Variants in RTN4 observed in about 807,000 individuals in gnomAD.
RTN4 encodes the protein reticulon 4.
A neutral mutation model predicts 90.4 loss-of-function variants in RTN4; 32 were observed. That is an observed-to-expected ratio of 0.35 (90% confidence interval 0.27 to 0.48). The LOEUF (loss-of-function observed/expected upper bound fraction) is 0.48, where lower values mean the gene tolerates loss of function less well. Ranked by LOEUF, RTN4 falls within the 20% of genes least tolerant of loss-of-function variation. The probability of loss-of-function intolerance (pLI) is 0.99; values close to 1 mark genes in which losing one functional copy is unlikely to be tolerated. For synonymous variants in RTN4, 629 were observed against 552.5 expected, an observed-to-expected ratio of 1.14 and a Z score of -1.94; for missense variants, 1,706 against 1,430.2, an observed-to-expected ratio of 1.19 and a Z score of -3.11.
chr2:55,075,763 A>G (rs1236722107), intron 2 of RTN4, among the ~76,000 whole-genome samples: 1 of 152,238 alleles, frequency 6.6e-6, no homozygotes, highest in Non-Finnish European at 1.5e-5. Flanking sequence ...ATGGAACAGA[A>G]TGGAGAACCC....
At position 55,049,942 on chromosome 2, in the gene RTN4, G is replaced by A; in HGVS notation, c.359C>T (p.Pro120Leu). 1 of 1,346,260 alleles carries A rather than the reference G, an allele frequency of 7.4e-7. No homozygotes were observed. Among genetic ancestry groups the A allele is most frequent in the South Asian group, 1.8e-5 (1 of 54,594 alleles). The allele number at this position is 1,346,260 out of a possible 1,614,324, so 83.4% of individuals were successfully genotyped here. Residue 120 changes from proline to leucine, a missense_variant, in exon 1 of 9, where the codon CCA (proline) becomes CTA (leucine). Transcript: ENST00000337526. Reference sequence around the variant, plus strand: ...GACTGCGGCAGCAGACAGCGGGGATGGCGCGGGCACGGTCGACGACACCGG... The same window carrying A: ...GACTGCGGCAGCAGACAGCGGGGATAGCGCGGGCACGGTCGACGACACCGG... ...PSPVSSTVPA[P>L]SPLSAAAVSP...
At chr2:55,082,381 G>A (rs1668737539) in intron 1 of RTN4, among the ~76,000 whole-genome samples, 1 of 152,128 alleles carries the variant, frequency 6.6e-6, no homozygotes. Context: ...CCAGAGACTT[G>A]AGAACAGCCA....
chr2:55,122,971 G>T, the RTN4 span, among the ~76,000 whole-genome samples: 1 of 152,318 alleles, frequency 6.6e-6, no homozygotes, highest in South Asian at 2.1e-4. Flanking sequence ...ATCAATCAGA[G>T]TTATTAGAAT....
chr2:54,973,782 G>A lies in RTN4; in HGVS notation c.3477+39C>T, dbSNP rs368731627. The A allele has an allele frequency of 1.8e-5, 28 of 1,567,774 alleles. 1 individual carries two copies. The highest frequency in any genetic ancestry group is 1.3e-4 in the South Asian group (12 of 89,404). ...CCGTAAATCCCATGTAATAGAGTGA[G>A]TGCTCTATTCTGAAGTCAGCAGTTA... On this transcript the variant is annotated intron_variant, in intron 7 of 8. Transcript: ENST00000337526.
intron 4 of RTN4, among the ~76,000 whole-genome samples, chr2:54,986,894 G>A (rs1678604750): frequency 6.6e-6 from 1 of 152,004 alleles, no homozygotes; most frequent in South Asian, 2.1e-4. Flanking sequence ...AGTATGAGGT[G>A]AGGGCAGAAG....
the RTN4 span, among the ~76,000 whole-genome samples, chr2:55,129,706 C>T: frequency 6.6e-4 from 101 of 152,122 alleles, no homozygotes; most frequent in African/African-American, 2.3e-3. Context: ...GGACTACAGG[C>T]GCTTGCCACC....
intron 3 of RTN4, among the ~76,000 whole-genome samples, chr2:54,994,699 G>T (rs60989108): frequency 0.12 from 18,375 of 152,132 alleles, 1,684 homozygotes; most frequent in African/African-American, 0.26. Flanking sequence ...TGGTCCTGGG[G>T]GTGCTATGCA....
intron 1 of RTN4, among the ~76,000 whole-genome samples, chr2:55,085,886 A>C (rs1327754400): frequency 6.6e-6 from 1 of 152,250 alleles, no homozygotes; most frequent in Non-Finnish European, 1.5e-5. Context: ...TAATGTTTAC[A>C]AAATATGTTC....
intron 2 of RTN4, among the ~76,000 whole-genome samples, chr2:55,068,675 A>AT (rs1387825353): frequency 2.6e-5 from 2 of 78,388 alleles, no homozygotes; most frequent in Non-Finnish European, 4.9e-5. Flanking sequence ...TCTACAAAAA[A>AT]AAAGGGGGGG....
At chr2:54,976,635 AG>A (rs2104610944) in intron 5 of RTN4, among the ~76,000 whole-genome samples, 1 of 152,342 alleles carries the variant, frequency 6.6e-6, no homozygotes, top group African/African-American at 2.4e-5. Flanking sequence ...AAACAGAAAT[AG>A]TGGTTAAGTG....
At chr2:54,997,163 C>G (rs1679494306) in intron 3 of RTN4, among the ~76,000 whole-genome samples, 1 of 152,012 alleles carries the variant, frequency 6.6e-6, no homozygotes, top group Non-Finnish European at 1.5e-5. Flanking sequence ...AAAACTTTTA[C>G]AACAGTAAAA....
intron 3 of RTN4, among the ~76,000 whole-genome samples, chr2:54,997,037 C>G (rs548000259): frequency 6.6e-6 from 1 of 152,192 alleles, no homozygotes; most frequent in African/African-American, 2.4e-5. Context: ...ATAAATTGGA[C>G]TTCATTAAAA....
At position 54,987,688 on chromosome 2, in the gene RTN4, G is replaced by C. The variant is rs774405029; in HGVS notation, c.3024C>G (p.Leu1008=). Residue 1008 remains leucine (L), a synonymous_variant, in exon 4 of 9, where the codon CTC becomes CTG. Transcript: ENST00000337526. The stretch of plus-strand genomic sequence containing the variant: ...TCTTCTTAATGTCTCTCCAGTACAG[G>C]AGGTCAACAACTAAAAATTGAAAAA... ...AELSKTSVVD[L]LYWRDIKKTG... 6 of 1,612,736 alleles carry C rather than the reference G, an allele frequency of 3.7e-6. No homozygotes were observed. The Admixed American group carries it at 6.7e-5, about 18-fold the overall frequency.
At chr2:55,006,057 C>T (rs1680198000) in intron 3 of RTN4, among the ~76,000 whole-genome samples, 1 of 151,988 alleles carries the variant, frequency 6.6e-6, no homozygotes, top group Non-Finnish European at 1.5e-5. Flanking sequence ...AAATAGCGTA[C>T]AGTATTTAAA....
At chr2:55,081,036 C>T (rs1001458381) in intron 1 of RTN4, among the ~76,000 whole-genome samples, 4 of 151,096 alleles carry the variant, frequency 2.6e-5, no homozygotes, top group African/African-American at 9.7e-5. Context: ...CTTTCTTTTT[C>T]CCTCTTTCCT....
chr2:55,106,802 G>C (rs1196112207), intron 1 of RTN4, among the ~76,000 whole-genome samples: 1 of 152,190 alleles, frequency 6.6e-6, no homozygotes, highest in Non-Finnish European at 1.5e-5. Context: ...TTACAGGCGT[G>C]AGCCACCATG....
chr2:55,044,368 G>A (rs1683275333), intron 1 of RTN4, among the ~76,000 whole-genome samples: 1 of 151,948 alleles, frequency 6.6e-6, no homozygotes, highest in African/African-American at 2.4e-5. Context: ...TCCAGCCTGA[G>A]CGACAGAGTA....
At chr2:54,985,201 T>C (rs6545465) in intron 4 of RTN4, among the ~76,000 whole-genome samples, 115,657 of 139,564 alleles carry the variant, frequency 0.83, 48,421 homozygotes, top group African/African-American at 0.95. Context: ...GTTCTATTGC[T>C]TAGGCTGGAG....
chr2:55,000,562 G>A (rs1679782869), intron 3 of RTN4, among the ~76,000 whole-genome samples: 1 of 152,096 alleles, frequency 6.6e-6, no homozygotes, highest in African/African-American at 2.4e-5. Flanking sequence ...GCACTGTGCT[G>A]AGTACATTGT....
Sources: gnomAD v4.1 joint callset for allele counts (sites outside exome capture counted in the v4.1 genomes callset) on GRCh38, gnomAD v4.1.1 for gene constraint, MANE v1.5 for transcripts, NCBI Gene and HGNC (gene_info 2026-07-23, HGNC 2026-07-21) for gene names.